The following HYOU1 variants were observed in gnomAD, a reference collection of about 807,000 sequenced individuals.
HYOU1 encodes hypoxia up-regulated 1.
A neutral mutation model predicts 120.5 loss-of-function variants in HYOU1; 40 were observed. The observed-to-expected ratio is 0.33, with a 90% confidence interval of 0.26 to 0.43. The LOEUF (loss-of-function observed/expected upper bound fraction) is 0.43. HYOU1 is among the 20% of genes least tolerant of loss of function. The probability of loss-of-function intolerance (pLI) is 1.00; values close to 1 mark genes in which losing one functional copy is unlikely to be tolerated. For synonymous variants in HYOU1, 501 were observed against 479.4 expected (o/e 1.05, Z -0.59); for missense variants, 1,085 against 1,278.3 (o/e 0.85, Z 2.31).
In HYOU1 at chr11:119,049,580, C is replaced by T; in HGVS notation, c.1782G>A (p.Lys594=). ...LFGGGTTPDA[K]ENGTDTVQEE... is the part of the protein sequence containing the mutation. ...CCTGGACAGTATCAGTACCATTCTC[C>T]TTGGCATCTGGTGTGGTACCGCCTC... Residue 594 remains lysine (K), a synonymous_variant, in exon 16 of 26, where the codon AAG becomes AAA. Coordinates refer to ENST00000617285, the MANE Select transcript of HYOU1 (RefSeq NM_006389.5). The T allele has an allele frequency of 2.5e-6, 4 of 1,614,178 alleles. No individual in the cohort carries two copies. Among genetic ancestry groups the T allele is most frequent in the East Asian group, 4.5e-5 (2 of 44,872 alleles).
chr11:119,053,990 A>G (rs962880706), intron 8 of HYOU1, 131 bp downstream of exon 8: 4 of 629,894 alleles, frequency 6.4e-6, no homozygotes, highest in Non-Finnish European at 8.5e-6. Context: ...GGTCCCCTAC[A>G]ATGACTGATG....
At position 119,049,094 on chromosome 11, in the gene HYOU1, G is replaced by A. The variant is rs1305878330; in HGVS notation, c.1916C>T (p.Pro639Leu). 5 of 1,613,972 alleles carry A rather than the reference G, an allele frequency of 3.1e-6. No homozygotes were observed. The highest frequency in any genetic ancestry group is 4.2e-6 in the Non-Finnish European group (5 of 1,180,002). ...PVEDGSQPPP[P>L]EPKGDATPEG... ...AGGGGTTGCATCTCCCTTAGGTTCA[G>A]GGGGTGGGGGCTGAGAGCCATCCTC... Residue 639 changes from proline to leucine, a missense_variant, in exon 17 of 26, where the codon CCT (proline) becomes CTT (leucine). Transcript: ENST00000617285.
chr11:119,051,655 T>C lies in HYOU1; in HGVS notation c.1339-30A>G, dbSNP rs2133586898. On this transcript the variant is annotated intron_variant, in intron 12 of 25. Transcript: ENST00000617285. This position sits in a 1 kb window ranked among gnomAD's most constrained non-coding sequence, Gnocchi z 4.2. ...ACAGCAGGCAGACAGAGGCACACTGTTGCACACTAGAGAACCCGAGTAGGT... is the reference window on the plus strand; with the variant it reads ...ACAGCAGGCAGACAGAGGCACACTGCTGCACACTAGAGAACCCGAGTAGGT... The C allele has an allele frequency of 3.7e-6, 6 of 1,613,302 alleles. No homozygotes were observed. Among genetic ancestry groups the C allele is most frequent in the Non-Finnish European group, 5.1e-6 (6 of 1,179,466 alleles).
chr11:119,052,599 G>A lies in HYOU1; in HGVS notation c.987+38C>T. 3 of 1,589,782 alleles carry A rather than the reference G, an allele frequency of 1.9e-6. No individual in the cohort carries two copies. The highest frequency in any genetic ancestry group is 2.6e-6 in the Non-Finnish European group (3 of 1,165,832). On this transcript the variant is annotated intron_variant, in intron 9 of 25. Coordinates refer to ENST00000617285, the MANE Select transcript of HYOU1 (RefSeq NM_006389.5). This position sits in a 1 kb window ranked among gnomAD's most constrained non-coding sequence, Gnocchi z 5.0. ...TGGCAGGGTCCCCCACCCTCTACGT[G>A]GGACAAAATATAGCCTCAACCAGCC...
At chr11:119,050,875 C>G (rs1944400677) in intron 14 of HYOU1, among the ~76,000 whole-genome samples, 160 bp downstream of exon 14, 1 of 151,822 alleles carries the variant, frequency 6.6e-6, no homozygotes, top group Non-Finnish European at 1.5e-5. Context: ...ATAAGGAGGT[C>G]TGCACCAGAT....
intron 24 of HYOU1, among the ~76,000 whole-genome samples, 199 bp from the exon 25 acceptor site, chr11:119,046,030 T>G (rs981336097): frequency 6.6e-6 from 1 of 152,196 alleles, no homozygotes; most frequent in African/African-American, 2.4e-5. Flanking sequence ...GGCGCCATCT[T>G]GGCTTACTGC....
Position 119,048,163 on chromosome 11 carries a change from C to T in HYOU1, c.2377-83G>A. ...AGCCCCATGTCCTTCTTTATGGGCT[C>T]AAGCCCCAGCTCTTCTCTCTCTCTG... is the stretch of plus-strand genomic sequence containing the variant. On this transcript the variant is annotated intron_variant, in intron 20 of 25. Coordinates refer to ENST00000617285, the MANE Select transcript of HYOU1 (RefSeq NM_006389.5). The surrounding 1 kb of genome is among the most constrained non-coding windows in gnomAD (Gnocchi z 4.7). 1.2e-6 allele frequency: 2 copies of T among 1,610,036 alleles called. No individual in the cohort carries two copies. Among genetic ancestry groups the T allele is most frequent in the South Asian group, 2.2e-5 (2 of 90,934 alleles).
At chr11:119,049,950 C>G in intron 14 of HYOU1, 113 bp from the exon 15 acceptor site, 1 of 930,778 alleles carries the variant, frequency 1.1e-6, no homozygotes, top group East Asian at 2.4e-5. Flanking sequence ...CAGGCCTAGT[C>G]TCTCACCTGC....
Position 119,049,019 on chromosome 11 carries a change from T to C in HYOU1, c.1991A>G (p.Gln664Arg), listed in dbSNP as rs2133569036. Residue 664 changes from glutamine to arginine, a missense_variant and splice_region_variant, in exon 17 of 26, where the codon CAG becomes CGG. By Grantham distance (43) the Gln-to-Arg change is conservative. Around this residue, in one of 4 missense-constraint regions of HYOU1, gnomAD observed 516 missense variants for 517.1 expected, o/e 1.00. Coordinates refer to ENST00000617285, the MANE Select transcript of HYOU1 (RefSeq NM_006389.5). ...TGGCCTTCCTCTGCCACAGCTCACC[T>C]GGGCCTCAGACTTGTCCCCATTTTC... ...EKENGDKSEA[Q>R]KPSEKAEAGP... is the part of the protein sequence containing the mutation. 6.2e-7 allele frequency: 1 copy of C among 1,613,958 alleles called. No homozygotes were observed. The highest frequency in any genetic ancestry group is 2.2e-5 in the East Asian group (1 of 44,878).
Position 119,047,792 on chromosome 11 carries a change from T to A in HYOU1, c.2537A>T (p.Asp846Val). The A allele has an allele frequency of 6.2e-7, 1 of 1,613,900 alleles. No homozygotes were observed. The highest frequency in any genetic ancestry group is 8.5e-7 in the Non-Finnish European group (1 of 1,179,976). The change falls in exon 22 of 26, where the codon GAC becomes GTC. Residue 846 changes from aspartate to valine, a missense_variant. By Grantham distance (152) the Asp-to-Val change is radical. This residue lies in a region of HYOU1 where 516 missense variants were observed against 517.1 expected (regional missense o/e 1.00). Transcript: ENST00000617285. Reference protein sequence around the residue: ...LKGARLIPEMDQIFTEVEMTT... With the variant: ...LKGARLIPEMVQIFTEVEMTT... ...CATCTCCACCTCAGTGAAGATCTGGTCCATCTCTGGGATGAGCCGGGCCCC... is the reference window on the plus strand; with the variant it reads ...CATCTCCACCTCAGTGAAGATCTGGACCATCTCTGGGATGAGCCGGGCCCC...
intron 8 of HYOU1, 43 bp downstream of exon 8, chr11:119,054,078 G>C (rs2133602427): frequency 4.0e-6 from 5 of 1,251,234 alleles, no homozygotes; most frequent in East Asian, 2.3e-5. Context: ...CCCCTGACTT[G>C]AGGGTCTTCA....
chr11:119,054,234 A>G lies in HYOU1; in HGVS notation c.681T>C (p.Asn227=). The part of the protein sequence containing the change: ...RRKDINTTAQ[N]IMFYDMGSGS... ...CTGAGCCCATGTCATAGAACATGAT[A>G]TTCTGTAGAGATATCAAGGCAACTG... Residue 227 remains asparagine (N), a splice_region_variant and synonymous_variant, in exon 8 of 26, where the codon AAT becomes AAC. Coordinates refer to ENST00000617285, the MANE Select transcript of HYOU1 (RefSeq NM_006389.5). 6.2e-7 allele frequency: 1 copy of G among 1,610,606 alleles called. No homozygotes were observed. Among genetic ancestry groups the G allele is most frequent in the Non-Finnish European group, 8.5e-7 (1 of 1,176,926 alleles).
chr11:119,055,149 C>T lies in HYOU1; in HGVS notation c.419+36G>A, dbSNP rs2133610343. On this transcript the variant is annotated intron_variant, in intron 5 of 25. Coordinates refer to ENST00000617285, the MANE Select transcript of HYOU1 (RefSeq NM_006389.5). This position sits in a 1 kb window ranked among gnomAD's most constrained non-coding sequence, Gnocchi z 4.0. ...CACACACCAATGAGGAGCCCAGCAG[C>T]GTTGCCGAGACCACCTTCCCCAACA... 3.1e-6 allele frequency: 5 copies of T among 1,611,282 alleles called. No homozygotes were observed. The highest frequency in any genetic ancestry group is 2.2e-5 in the East Asian group (1 of 44,822).
At chr11:119,047,535 C>A in intron 22 of HYOU1, 199 bp downstream of exon 22, 1 of 554,794 alleles carries the variant, frequency 1.8e-6, no homozygotes, top group Non-Finnish European at 3.2e-6. Flanking sequence ...GGCTTTTTTG[C>A]TCCTCCAGGC....
chr11:119,050,718 TCCAAAAAAAAAA>T (rs1565713422), intron 14 of HYOU1, among the ~76,000 whole-genome samples: 1 of 1,622 alleles, frequency 6.2e-4, no homozygotes, highest in African/African-American at 2.6e-3. Flanking sequence ...CAAGACCCTC[TCCAAAAAAAAAA>T]AAAAAAAAAA....
rs1457614518 is a variant in HYOU1 at position 119,057,069 on chromosome 11, A to C, written c.-57T>G. On this transcript the variant is annotated 5_prime_UTR_variant, in exon 1 of 26. Transcript: ENST00000617285. ...CAGCTCTGGGACAGACGCGGCACGA[A>C]CGTACCCACGAGGCCGGCAGCGCCC... The C allele has an allele frequency of 6.6e-6, 1 of 152,062 alleles. No homozygotes were observed. Among genetic ancestry groups the C allele is most frequent in the African/African-American group, 2.4e-5 (1 of 41,318 alleles). The allele number at this position is 152,062 out of a possible 1,614,324, so 9.4% of individuals were successfully genotyped here.
In HYOU1 at chr11:119,047,711, T is replaced by C. The variant is rs1445676439; in HGVS notation, c.2595+23A>G. On this transcript the variant is annotated intron_variant, in intron 22 of 25. Transcript: ENST00000617285. ...CCTAGGATGGCAGCTAAGTATCTGG[T>C]TAAGTATTTACGAAGTGATTACCCA... is the stretch of plus-strand genomic sequence containing the variant. 5.7e-6 allele frequency: 9 copies of C among 1,583,270 alleles called. No homozygotes were observed. In the African/African-American group the frequency reaches 1.2e-4, roughly 21 times the overall value.
rs1459690825 is a variant in HYOU1, at chr11:119,054,126, T to C, written c.789A>G (p.Gly263=). ...AGMQPQLQIR[G]VGFDRTLGGL... ...CCTGCCAAGTATCCACTTACCCTAC[T>C]CCCCGGATCTGCAGCTGTGGCTGCA... The change falls in exon 8 of 26, where the codon GGA becomes GGG. Residue 263 remains glycine (G), a synonymous_variant. Transcript: ENST00000617285. 1.2e-6 allele frequency: 2 copies of C among 1,607,674 alleles called. No homozygotes were observed. Among genetic ancestry groups the C allele is most frequent in the African/African-American group, 2.7e-5 (2 of 74,750 alleles).
Position 119,047,723 on chromosome 11 carries a change from G to A in HYOU1, c.2595+11C>T, listed in dbSNP as rs2133557868. 2.5e-5 allele frequency: 40 copies of A among 1,604,028 alleles called. No homozygotes were observed. The highest frequency in any genetic ancestry group is 5.5e-5 in the South Asian group (5 of 90,882). On this transcript the variant is annotated intron_variant, in intron 22 of 25. Transcript: ENST00000617285. Reference sequence around the variant, plus strand: ...GCTAAGTATCTGGTTAAGTATTTACGAAGTGATTACCCAGGTCTCATTGAT... The same window carrying A: ...GCTAAGTATCTGGTTAAGTATTTACAAAGTGATTACCCAGGTCTCATTGAT...
Sources: gnomAD v4.1 joint callset for allele counts (sites outside exome capture counted in the v4.1 genomes callset) on GRCh38, gnomAD v4.1.1 for gene constraint, gnomAD v4.1.1 regional missense constraint, Gnocchi (gnomAD v3.1) non-coding constraint, MANE v1.5 for transcripts, NCBI Gene and HGNC (gene_info 2026-07-23, HGNC 2026-07-21) for gene names.